The following NCLN variants were observed in gnomAD, a reference collection of about 807,000 sequenced individuals.
NCLN encodes nicalin, also known as BOS complex subunit NCLN.
A neutral mutation model predicts 69.5 loss-of-function variants in NCLN; 34 were observed. The ratio of observed to expected loss-of-function variants is 0.49; its 90% CI spans 0.37 to 0.65. NCLN has a LOEUF of 0.65. NCLN is among the 30% of genes least tolerant of loss of function. NCLN has a pLI of 0.00. For synonymous variants in NCLN, 393 were observed against 358.3 expected (o/e 1.10, Z -1.09); for missense variants, 710 against 804.8 (o/e 0.88, Z 1.42).
At chr19:3,206,072 C>CCCCGG in intron 10 of NCLN, 46 bp downstream of exon 10, 1 of 1,603,218 alleles carries the variant, frequency 6.2e-7, no homozygotes, top group Non-Finnish European at 8.5e-7. Flanking sequence ...CCCAGCCCTG[C>CCCCGG]CCCCGGCCCC....
At chr19:3,203,675 G>A (rs1916183361) in intron 6 of NCLN, 81 bp from the exon 7 acceptor site, 3 of 1,285,544 alleles carry the variant, frequency 2.3e-6, no homozygotes, top group African/African-American at 1.5e-5. Context: ...TACCCTTCCT[G>A]GGGGACCTGT....
rs1226459080 is a variant in NCLN at position 3,193,399 on chromosome 19, C to T, written c.491C>T (p.Ala164Val). 2.5e-6 allele frequency: 4 copies of T among 1,609,058 alleles called. No homozygotes were observed. Among genetic ancestry groups the T allele is most frequent in the Non-Finnish European group, 2.5e-6 (3 of 1,179,540 alleles). Residue 164 changes from alanine (A) to valine (V), a missense_variant, in exon 3 of 15, where the codon GCC becomes GTC. Ala to Val is a moderately conservative substitution (Grantham distance 64, BLOSUM62 0). Transcript: ENST00000246117. Reference protein sequence around the residue: ...SIYKQTQAASASQGSASAAEV... With the variant: ...SIYKQTQAASVSQGSASAAEV... ...TACAAGCAGACCCAGGCTGCCTCCG[C>T]CTCCCAGGGCTCCGCCTCTGCTGCT...
intron 1 of NCLN, among the ~76,000 whole-genome samples, chr19:3,191,205 C>T (rs1915815561): frequency 6.6e-6 from 1 of 151,992 alleles, no homozygotes; most frequent in African/African-American, 2.4e-5. Flanking sequence ...GCAGGGACCC[C>T]TGAGCTGCGT....
At chr19:3,193,254 C>A in intron 2 of NCLN, 30 bp from the exon 3 acceptor site, 1 of 1,569,802 alleles carries the variant, frequency 6.4e-7, no homozygotes. Context: ...ACCAGGCCAG[C>A]AGCCCCCTAA....
intron 1 of NCLN, among the ~76,000 whole-genome samples, chr19:3,191,213 C>T (rs1226009678): frequency 6.6e-6 from 1 of 152,096 alleles, no homozygotes; most frequent in African/African-American, 2.4e-5. Context: ...CCCTGAGCTG[C>T]GTCTTGTTGG....
intron 12 of NCLN, among the ~76,000 whole-genome samples, chr19:3,206,971 G>A (rs1272054916): frequency 3.3e-5 from 5 of 151,986 alleles, no homozygotes; most frequent in South Asian, 2.1e-4. Flanking sequence ...ACAGGCACCC[G>A]CCACCATGCC....
intron 6 of NCLN, among the ~76,000 whole-genome samples, chr19:3,202,198 A>T (rs1916144005): frequency 6.6e-6 from 1 of 151,960 alleles, no homozygotes; most frequent in African/African-American, 2.4e-5. Flanking sequence ...ACACATTGAA[A>T]TCCACACCCT....
intron 5 of NCLN, among the ~76,000 whole-genome samples, chr19:3,201,140 A>T (rs1916115741): frequency 6.6e-6 from 1 of 152,230 alleles, no homozygotes; most frequent in African/African-American, 2.4e-5. Context: ...GACCCCGCAC[A>T]GAGACCAGGG....
At position 3,191,558 on chromosome 19, in the gene NCLN, T is replaced by G. The variant is rs1915828656; in HGVS notation, c.185-912T>G. Among the ~76,000 whole-genome samples, 4 of 151,806 alleles carry G rather than the reference T, an allele frequency of 2.6e-5. No homozygotes were observed. The South Asian group carries it at 8.4e-4, about 32-fold the overall frequency. ...CGAGGGGCGCTCCATGCTGGTCTTG[T>G]GGCTCAACACAGGGGTTTAACCTGG... On this transcript the variant is annotated intron_variant, in intron 1 of 14. Transcript: ENST00000246117.
Position 3,206,055 on chromosome 19 carries a change from A to C in NCLN, c.1296+29A>C, listed in dbSNP as rs927772613. On this transcript the variant is annotated intron_variant, in intron 10 of 14. Coordinates refer to ENST00000246117, the MANE Select transcript of NCLN (RefSeq NM_020170.4). ...AGCCCTGAGCCCTCTGTGCCGCCAG[A>C]CCCAGCCCCAGCCCTGCCCCCGGCC... is the stretch of plus-strand genomic sequence containing the variant. The C allele has an allele frequency of 2.4e-5, 38 of 1,609,908 alleles. No homozygotes were observed. The South Asian group carries it at 2.5e-4, about 11-fold the overall frequency.
intron 1 of NCLN, among the ~76,000 whole-genome samples, chr19:3,187,694 C>T (rs974672221): frequency 2.0e-5 from 3 of 152,212 alleles, no homozygotes; most frequent in Non-Finnish European, 4.4e-5. Flanking sequence ...TGCTCAATTC[C>T]CTGTAGTGCC....
chr19:3,207,694 C>A lies in NCLN; in HGVS notation c.*6C>A, dbSNP rs778598706. 2.5e-6 allele frequency: 4 copies of A among 1,609,910 alleles called. No individual in the cohort carries two copies. The highest frequency in any genetic ancestry group is 3.4e-6 in the Non-Finnish European group (4 of 1,177,430). On this transcript the variant is annotated 3_prime_UTR_variant, in exon 15 of 15. Coordinates refer to ENST00000246117, the MANE Select transcript of NCLN (RefSeq NM_020170.4). The stretch of plus-strand genomic sequence containing the variant: ...TGAAGGCCAAGACACAGTGACACAG[C>A]CACCCCCACAGCCGGAGCCCCCGCC...
intron 3 of NCLN, among the ~76,000 whole-genome samples, chr19:3,195,944 T>A (rs1915944218): frequency 1.3e-5 from 2 of 152,154 alleles, no homozygotes; most frequent in South Asian, 4.1e-4. Flanking sequence ...AGGATCAGAA[T>A]GGCATGGAGG....
chr19:3,207,521 T>C (rs1233380285), intron 14 of NCLN, 52 bp downstream of exon 14: 1 of 1,608,916 alleles, frequency 6.2e-7, no homozygotes, highest in Non-Finnish European at 8.5e-7. Flanking sequence ...CGGGAGGAGC[T>C]GGGCTGGGCG....
chr19:3,207,888 T>G lies in NCLN; in HGVS notation c.*200T>G. ...GGGGGGGATTGTTTCTTCTTTTCCT[T>G]GTCTTTGAACTTCCTTGGAGGAGAG... On this transcript the variant is annotated 3_prime_UTR_variant, in exon 15 of 15. Transcript: ENST00000246117. The G allele has an allele frequency of 3.5e-6, 2 of 578,102 alleles. No homozygotes were observed. The highest frequency in any genetic ancestry group is 3.0e-5 in the Admixed American group (1 of 32,810). 35.8% of individuals were successfully genotyped at this position (578,102 alleles called of 1,614,324 possible). A position where few individuals can be genotyped will look rare whatever the true frequency, so the allele number is the denominator to read the frequency against.
chr19:3,196,792 G>A (rs13382069), intron 4 of NCLN, among the ~76,000 whole-genome samples: 9,857 of 152,334 alleles, frequency 0.065, 761 homozygotes, highest in East Asian at 0.39. Context: ...AGCCTGTGTC[G>A]CTGCTGCTGC....
chr19:3,188,800 C>T (rs1420184198), intron 1 of NCLN, among the ~76,000 whole-genome samples: 1 of 152,252 alleles, frequency 6.6e-6, no homozygotes, highest in Non-Finnish European at 1.5e-5. Context: ...CCATGCTCCT[C>T]ATCTGCGCCC....
intron 6 of NCLN, among the ~76,000 whole-genome samples, chr19:3,203,256 C>T (rs558756490): frequency 9.2e-5 from 14 of 151,616 alleles, no homozygotes; most frequent in South Asian, 2.1e-4. Flanking sequence ...TGCAGTGAGC[C>T]GAGACTGCAC....
At chr19:3,202,591 A>C (rs1299205606) in intron 6 of NCLN, among the ~76,000 whole-genome samples, 2 of 152,170 alleles carry the variant, frequency 1.3e-5, no homozygotes, top group Non-Finnish European at 2.9e-5. Context: ...ACTGTGGCTG[A>C]GACGTTTCTC....
Sources: allele counts gnomAD v4.1 joint callset (sites outside exome capture counted in the v4.1 genomes callset), GRCh38; gene constraint gnomAD v4.1.1; transcripts MANE v1.5; gene names NCBI Gene and HGNC (gene_info 2026-07-23, HGNC 2026-07-21).